The following PTN variants were observed in gnomAD, a reference collection of about 807,000 sequenced individuals.
The protein encoded by PTN is pleiotrophin.
In PTN, 18 loss-of-function variants were observed where a neutral mutation model predicts 24.1. The ratio of observed to expected loss-of-function variants is 0.75; its 90% CI spans 0.52 to 1.11. PTN has a LOEUF of 1.11. Ranked by LOEUF, PTN falls within the 50% of genes least tolerant of loss-of-function variation. The pLI is 0.00. For synonymous variants in PTN, 78 were observed against 68.6 expected (o/e 1.14, Z -0.67); for missense variants, 163 against 198.8 (o/e 0.82, Z 1.08).
At chr7:137,312,605 C>T (rs1213164371) in intron 1 of PTN, among the ~76,000 whole-genome samples, 1 of 152,120 alleles carries the variant, frequency 6.6e-6, no homozygotes, top group African/African-American at 2.4e-5. Context: ...TTCCTCCACC[C>T]CTCTCTCATA....
chr7:137,236,920 G>C (rs72611535), intron 4 of PTN, among the ~76,000 whole-genome samples: 17,676 of 151,998 alleles, frequency 0.12, 1,289 homozygotes, highest in South Asian at 0.24. Flanking sequence ...TGTGAAAAAA[G>C]GGCAAAGTTT....
At chr7:137,312,226 C>A (rs1373051793) in intron 1 of PTN, among the ~76,000 whole-genome samples, 5 of 152,178 alleles carry the variant, frequency 3.3e-5, no homozygotes, top group African/African-American at 1.2e-4. Flanking sequence ...CAGTTGTAAT[C>A]ATTTTCCAGT....
At chr7:137,330,832 G>A (rs1194872031) in intron 1 of PTN, among the ~76,000 whole-genome samples, 1 of 152,166 alleles carries the variant, frequency 6.6e-6, no homozygotes, top group African/African-American at 2.4e-5. Context: ...GGCACCTGGA[G>A]CCGAGGAGAT....
In PTN at chr7:137,260,528, T is replaced by C. The variant is rs566650284; in HGVS notation, c.-1-5554A>G. Among the ~76,000 whole-genome samples, 8 of 152,258 alleles carry C rather than the reference T, an allele frequency of 5.3e-5. No homozygotes were observed. The East Asian group carries it at 1.3e-3, about 26-fold the overall frequency. The stretch of plus-strand genomic sequence containing the variant: ...TCTAATTTTAATTTATTTTATTTTA[T>C]TTTTAAACTGATACATCTTTCAATT... On this transcript the variant is annotated intron_variant, in intron 1 of 4. Transcript: ENST00000348225.
chr7:137,256,591 T>G (rs1808930052), intron 1 of PTN, among the ~76,000 whole-genome samples: 1 of 152,186 alleles, frequency 6.6e-6, no homozygotes, highest in South Asian at 2.1e-4. Context: ...GTTGGTTCAA[T>G]GGCTTTGCTA....
chr7:137,291,919 G>C (rs754430687), intron 1 of PTN, among the ~76,000 whole-genome samples: 28 of 152,104 alleles, frequency 1.8e-4, no homozygotes, highest in Non-Finnish European at 3.2e-4. Context: ...AACTTGGCTA[G>C]GGTTTCAACC....
intron 1 of PTN, among the ~76,000 whole-genome samples, chr7:137,267,536 T>C (rs186768000): frequency 1.3e-5 from 2 of 152,262 alleles, no homozygotes; most frequent in East Asian, 3.9e-4. Context: ...CCAACCCACC[T>C]CAAATGCTGG....
At chr7:137,281,267 G>T (rs556672182) in intron 1 of PTN, among the ~76,000 whole-genome samples, 1 of 151,472 alleles carries the variant, frequency 6.6e-6, no homozygotes, top group African/African-American at 2.4e-5. Flanking sequence ...AAAAAAAAAC[G>T]TAGAAATAGA....
chr7:137,266,964 C>T (rs1264064049), intron 1 of PTN, among the ~76,000 whole-genome samples: 1 of 142,516 alleles, frequency 7.0e-6, no homozygotes, highest in African/African-American at 2.6e-5. Context: ...TTAAGGGTTT[C>T]TGATAGGAAG....
chr7:137,291,309 A>G (rs534330970), intron 1 of PTN, among the ~76,000 whole-genome samples: 1 of 152,182 alleles, frequency 6.6e-6, no homozygotes, highest in East Asian at 1.9e-4. Flanking sequence ...GCTATATTTT[A>G]TACTACATGT....
At position 137,253,549 on chromosome 7, in the gene PTN, C is replaced by G. The variant is rs775361908; in HGVS notation, c.204G>C (p.Glu68Asp). The G allele has an allele frequency of 1.2e-6, 2 of 1,612,412 alleles. No individual in the cohort carries two copies. Among genetic ancestry groups the G allele is most frequent in the South Asian group, 2.2e-5 (2 of 90,496 alleles). ...TGCACTCAGCTCCAGTCCGAGTGCC[C>G]TCCCGTGTGCCCAGCCCACAGTCTC... ...TSGDCGLGTREGTRTGAECKQ... is the reference protein window; with the variant it reads ...TSGDCGLGTRDGTRTGAECKQ... Residue 68 changes from glutamate (E) to aspartate (D), a missense_variant, in exon 3 of 5, where the codon GAG (glutamate) becomes GAC (aspartate). Transcript: ENST00000348225.
At chr7:137,259,150 G>A (rs1441700122) in intron 1 of PTN, among the ~76,000 whole-genome samples, 2 of 152,066 alleles carry the variant, frequency 1.3e-5, no homozygotes, top group South Asian at 2.1e-4. Flanking sequence ...AGACATTAAA[G>A]AAACCAACTT....
chr7:137,247,826 C>T (rs1475140275), intron 4 of PTN, among the ~76,000 whole-genome samples: 1 of 152,106 alleles, frequency 6.6e-6, no homozygotes, highest in Non-Finnish European at 1.5e-5. Context: ...ACAACATTCA[C>T]CTTCTCCTAT....
intron 4 of PTN, among the ~76,000 whole-genome samples, chr7:137,241,329 C>T (rs1334857616): frequency 6.6e-6 from 1 of 152,130 alleles, no homozygotes; most frequent in Admixed American, 6.5e-5. Context: ...ATAACAGTAA[C>T]TATTTCACAG....
chr7:137,278,025 G>A (rs903417100), intron 1 of PTN, among the ~76,000 whole-genome samples: 5 of 151,952 alleles, frequency 3.3e-5, no homozygotes, highest in Non-Finnish European at 7.4e-5. Context: ...AATGACTACT[G>A]GGCCGGGCGC....
chr7:137,285,999 G>C (rs568349854), intron 1 of PTN, among the ~76,000 whole-genome samples: 1 of 152,216 alleles, frequency 6.6e-6, no homozygotes, highest in African/African-American at 2.4e-5. Context: ...GTAGGAAATA[G>C]AAGGAAGGAA....
intron 4 of PTN, among the ~76,000 whole-genome samples, chr7:137,244,672 C>A (rs1363375341): frequency 2.0e-5 from 3 of 151,682 alleles, no homozygotes; most frequent in Non-Finnish European, 4.4e-5. Flanking sequence ...TGAGAATGAT[C>A]TCTTCAGATT....
intron 1 of PTN, among the ~76,000 whole-genome samples, chr7:137,266,139 G>C (rs1244547024): frequency 1.3e-5 from 2 of 152,098 alleles, no homozygotes; most frequent in African/African-American, 2.4e-5. Flanking sequence ...AGAGGAGATT[G>C]GTGCTTTAAG....
chr7:137,343,138 C>T (rs1260143223), intron 1 of PTN, among the ~76,000 whole-genome samples: 1 of 152,212 alleles, frequency 6.6e-6, no homozygotes, highest in African/African-American at 2.4e-5. Flanking sequence ...CTCCAGCCCA[C>T]CCTGTCTTGC....
Sources: gnomAD v4.1 joint callset for allele counts (sites outside exome capture counted in the v4.1 genomes callset) on GRCh38, gnomAD v4.1.1 for gene constraint, MANE v1.5 for transcripts, NCBI Gene and HGNC (gene_info 2026-07-23, HGNC 2026-07-21) for gene names.